The following CYP39A1 variants were observed in gnomAD, a reference collection of about 807,000 sequenced individuals.
CYP39A1 encodes 24-hydroxycholesterol 7-alpha-hydroxylase.
In CYP39A1, 49 loss-of-function variants were observed where a neutral mutation model predicts 58.1. The ratio of observed to expected loss-of-function variants is 0.84; its 90% CI spans 0.67 to 1.07. The LOEUF is 1.07. Among genes scored for constraint, CYP39A1 ranks in the 50% least tolerant of loss-of-function variants. CYP39A1 has a pLI of 0.00. For missense variants in CYP39A1, 531 were observed against 539.4 expected, an observed-to-expected ratio of 0.98 and a Z score of 0.16; for synonymous variants, 209 against 187.6, an observed-to-expected ratio of 1.11 and a Z score of -0.93.
intron 10 of CYP39A1, among the ~76,000 whole-genome samples, chr6:46,564,325 C>T (rs1201753723): frequency 6.6e-6 from 1 of 151,764 alleles, no homozygotes; most frequent in East Asian, 1.9e-4. Flanking sequence ...TCCCAAGTAG[C>T]TGGGATTATA....
rs148449745 is a variant in CYP39A1 at position 46,625,494 on chromosome 6, T to A, written c.855A>T (p.Thr285=). ...CAGGATGAGAAAGGACGTATGCAAG[T>A]GTCCAAAATGCAACCTTAAAAAGAA... The part of the protein sequence containing the change: ...LSNAVPVAFW[T]LAYVLSHPDI... The change falls in exon 7 of 12, where the codon ACA becomes ACT. Residue 285 remains threonine, a synonymous_variant. Coordinates refer to ENST00000275016, the MANE Select transcript of CYP39A1 (RefSeq NM_016593.5). 1 of 1,608,422 alleles carries A rather than the reference T, an allele frequency of 6.2e-7. No homozygotes were observed. The highest frequency in any genetic ancestry group is 1.7e-5 in the Admixed American group (1 of 59,544).
At chr6:46,591,606 A>T (rs1772841025) in intron 8 of CYP39A1, among the ~76,000 whole-genome samples, 1 of 152,156 alleles carries the variant, frequency 6.6e-6, no homozygotes, top group Non-Finnish European at 1.5e-5. Flanking sequence ...GTTTAAATTT[A>T]AAATATAGCT....
At chr6:46,570,867 C>T (rs1249321358) in intron 10 of CYP39A1, among the ~76,000 whole-genome samples, 1 of 152,178 alleles carries the variant, frequency 6.6e-6, no homozygotes, top group Non-Finnish European at 1.5e-5. Context: ...ACCTCCAATA[C>T]TGAAGATCAC....
intron 7 of CYP39A1, among the ~76,000 whole-genome samples, chr6:46,616,197 TCCCTCCCTCCCTCCCTCCCTCCC>T (rs1774575139): frequency 0.014 from 18 of 1,290 alleles, 1 homozygote; most frequent in African/African-American, 0.048. Flanking sequence ...CTTCTTTCCC[TCCCTCCCTCCCTCCCTCCCTCCC>T]TCCCTCCCTC....
At position 46,553,827 on chromosome 6, in the gene CYP39A1, C is replaced by T. The variant is rs1411106767; in HGVS notation, c.1278G>A (p.Met426Ile). Residue 426 changes from methionine to isoleucine, a missense_variant, in exon 11 of 12, where the codon ATG becomes ATA. By Grantham distance (10) the Met-to-Ile change is conservative. Transcript: ENST00000275016. ...ARWFALLEVQ[M>I]CIILILYKYD... ...ATTTATAAAGTATTAAAATAATACACATCTGAACCTCTAACAGAGCAAACC... is the reference window on the plus strand; with the variant it reads ...ATTTATAAAGTATTAAAATAATACATATCTGAACCTCTAACAGAGCAAACC... The T allele has an allele frequency of 1.2e-6, 2 of 1,609,300 alleles. No homozygotes were observed. The highest frequency in any genetic ancestry group is 1.1e-5 in the South Asian group (1 of 90,386).
chr6:46,643,911 AC>A (rs1266666415), intron 1 of CYP39A1, among the ~76,000 whole-genome samples: 1 of 152,098 alleles, frequency 6.6e-6, no homozygotes, highest in Non-Finnish European at 1.5e-5. Flanking sequence ...TTTTAACTAA[AC>A]TTTTTATTTA....
chr6:46,617,142 G>A (rs536026085), intron 7 of CYP39A1, among the ~76,000 whole-genome samples: 1 of 152,218 alleles, frequency 6.6e-6, no homozygotes, highest in East Asian at 1.9e-4. Flanking sequence ...TAATTCTATT[G>A]TCTTGGCAGA....
At chr6:46,557,463 A>C (rs933297191) in intron 10 of CYP39A1, among the ~76,000 whole-genome samples, 7 of 151,880 alleles carry the variant, frequency 4.6e-5, no homozygotes, top group Non-Finnish European at 8.8e-5. Context: ...CAACATAGCC[A>C]AACCTCGTCT....
At chr6:46,565,107 A>T (rs1771207541) in intron 10 of CYP39A1, among the ~76,000 whole-genome samples, 1 of 152,174 alleles carries the variant, frequency 6.6e-6, no homozygotes, top group Non-Finnish European at 1.5e-5. Context: ...GAGTCGGGAG[A>T]TCTGGGACAG....
chr6:46,581,280 A>T (rs1772119162), intron 10 of CYP39A1, among the ~76,000 whole-genome samples: 2 of 152,066 alleles, frequency 1.3e-5, no homozygotes, highest in Admixed American at 1.3e-4. Context: ...GCACTATGGC[A>T]TGTGCCTGTA....
At chr6:46,622,656 TA>T (rs1775035730) in intron 7 of CYP39A1, among the ~76,000 whole-genome samples, 1 of 151,752 alleles carries the variant, frequency 6.6e-6, no homozygotes, top group Admixed American at 6.6e-5. Flanking sequence ...AACACAGCTG[TA>T]AAACAAGAAA....
chr6:46,595,380 T>C (rs899797235), intron 8 of CYP39A1, among the ~76,000 whole-genome samples: 4 of 151,986 alleles, frequency 2.6e-5, no homozygotes, highest in African/African-American at 7.2e-5. Flanking sequence ...AATGTATATA[T>C]ACATAATGGA....
chr6:46,582,478 A>G (rs1252430797), intron 10 of CYP39A1, among the ~76,000 whole-genome samples: 1 of 152,172 alleles, frequency 6.6e-6, no homozygotes, highest in Non-Finnish European at 1.5e-5. Flanking sequence ...GGTATATTAT[A>G]TTCCTATAAG....
chr6:46,583,519 C>T (rs921380379), intron 10 of CYP39A1: 10 of 985,266 alleles, frequency 1.0e-5, no homozygotes, highest in African/African-American at 1.7e-5. Context: ...AGACTCTTCA[C>T]TTTGCAAGCT....
chr6:46,630,224 G>A (rs1202715758), intron 6 of CYP39A1, among the ~76,000 whole-genome samples: 1 of 152,134 alleles, frequency 6.6e-6, no homozygotes, highest in Admixed American at 6.5e-5. Context: ...GCGGAAGCTT[G>A]TAGGACCATA....
chr6:46,550,448 A>T lies in CYP39A1; in HGVS notation c.1339-11T>A. 6.2e-7 allele frequency: 1 copy of T among 1,607,806 alleles called. No homozygotes were observed. Among genetic ancestry groups the T allele is most frequent in the Non-Finnish European group, 8.5e-7 (1 of 1,176,518 alleles). ...CAAATGGAGATAACTCTAAAAACAG[A>T]AATGCAGAAGAAATAGAAATTAAGA... On this transcript the variant is annotated splice_polypyrimidine_tract_variant and intron_variant, in intron 11 of 11. Transcript: ENST00000275016.
intron 10 of CYP39A1, among the ~76,000 whole-genome samples, chr6:46,559,800 G>A (rs1402205478): frequency 2.6e-5 from 4 of 152,108 alleles, no homozygotes; most frequent in Non-Finnish European, 4.4e-5. Context: ...TGACTTTTAT[G>A]GGAACAGTAA....
chr6:46,577,335 C>G (rs184333249), intron 10 of CYP39A1, among the ~76,000 whole-genome samples: 3 of 152,142 alleles, frequency 2.0e-5, no homozygotes, highest in African/African-American at 7.2e-5. Context: ...CACTTAAGTA[C>G]ATAGCCCACT....
chr6:46,618,076 T>C (rs1216295154), intron 7 of CYP39A1, among the ~76,000 whole-genome samples: 1 of 152,168 alleles, frequency 6.6e-6, no homozygotes, highest in Non-Finnish European at 1.5e-5. Flanking sequence ...ACTAATTTCA[T>C]GATGTGGGAG....
Sources: allele counts gnomAD v4.1 joint callset (sites outside exome capture counted in the v4.1 genomes callset), GRCh38; gene constraint gnomAD v4.1.1; transcripts MANE v1.5; gene names NCBI Gene and HGNC (gene_info 2026-07-23, HGNC 2026-07-21).